SLBP: variants seen among roughly 807,000 people sequenced by gnomAD.
The protein encoded by SLBP is stem-loop histone mRNA binding protein, also known as histone RNA hairpin-binding protein.
SLBP carries 29 observed loss-of-function variants against 39.2 expected under a neutral mutation model. The observed-to-expected ratio is 0.74, with a 90% confidence interval of 0.55 to 1.01. The LOEUF (loss-of-function observed/expected upper bound fraction) is 1.01, where lower values mean the gene tolerates loss of function less well. Among genes scored for constraint, SLBP ranks in the 50% least tolerant of loss-of-function variants. SLBP has a pLI of 0.00. For synonymous variants in SLBP, 129 were observed against 118.7 expected (o/e 1.09, Z -0.57); for missense variants, 390 against 350.2 (o/e 1.11, Z -0.91).
At chr4:1,712,071 G>A (rs1196123121) in intron 1 of SLBP, 59 bp downstream of exon 1, 3 of 1,231,004 alleles carry the variant, frequency 2.4e-6, no homozygotes, top group African/African-American at 3.1e-5. Context: ...CCCCGGCCCC[G>A]CACAACCCCC....
chr4:1,694,689 T>G, intron 7 of SLBP, 85 bp downstream of exon 7: 1 of 1,019,320 alleles, frequency 9.8e-7, no homozygotes. Context: ...CCGTGCCCAG[T>G]CCAAACTTCA....
At chr4:1,701,252 T>C (rs1716317557) in intron 3 of SLBP, among the ~76,000 whole-genome samples, 1 of 150,672 alleles carries the variant, frequency 6.6e-6, no homozygotes, top group South Asian at 2.1e-4. Flanking sequence ...TCCAAGCGAT[T>C]CTCCTGCCTC....
At position 1,711,998 on chromosome 4, in the gene SLBP, G is replaced by T. The variant is rs550831762; in HGVS notation, c.60-8C>A. Reference sequence around the variant, plus strand: ...CGCGCGGGGGACGGCGGGCTGCGGGGAGGGACGCGGTCGGCTGGGCACGGG... The same window carrying T: ...CGCGCGGGGGACGGCGGGCTGCGGGTAGGGACGCGGTCGGCTGGGCACGGG... On this transcript the variant is annotated splice_region_variant and splice_polypyrimidine_tract_variant and intron_variant, in intron 1 of 7. Coordinates refer to ENST00000489418, the MANE Select transcript of SLBP (RefSeq NM_006527.4). 1 of 1,287,944 alleles carries T rather than the reference G, an allele frequency of 7.8e-7. No individual in the cohort carries two copies. Among genetic ancestry groups the T allele is most frequent in the Non-Finnish European group, 9.8e-7 (1 of 1,016,956 alleles). The allele number at this position is 1,287,944 out of a possible 1,614,324, so 79.8% of individuals were successfully genotyped here. A position where few individuals can be genotyped will look rare whatever the true frequency, so the allele number is the denominator to read the frequency against.
chr4:1,692,998 T>C lies in SLBP; in HGVS notation c.*599A>G, dbSNP rs575898280. On this transcript the variant is annotated 3_prime_UTR_variant, in exon 8 of 8. Transcript: ENST00000489418. ...CGCTCCACTCTGCTGCCCTAACTCT[T>C]GGAGTATTCTAAAGAGTCTAACTAG... 10 of 152,918 alleles carry C rather than the reference T, an allele frequency of 6.5e-5. No individual in the cohort carries two copies. In the East Asian group the frequency reaches 1.5e-3, roughly 24 times the overall value. The allele number at this position is 152,918 out of a possible 1,614,324, so 9.5% of individuals were successfully genotyped here.
chr4:1,694,955 G>A (rs574289190), intron 6 of SLBP, 115 bp from the exon 7 acceptor site: 47 of 729,530 alleles, frequency 6.4e-5, no homozygotes, highest in African/African-American at 4.0e-4. Context: ...CAGTGTGCCC[G>A]AGGCTCCCTG....
chr4:1,694,388 TTTTC>T (rs554153166), intron 7 of SLBP, among the ~76,000 whole-genome samples: 100 of 149,430 alleles, frequency 6.7e-4, no homozygotes, highest in African/African-American at 1.9e-3. Context: ...CAGCACATGG[TTTTC>T]TTTCTTTTTT....
At chr4:1,711,594 C>T (rs1716773142) in intron 2 of SLBP, among the ~76,000 whole-genome samples, 1 of 152,240 alleles carries the variant, frequency 6.6e-6, no homozygotes. Flanking sequence ...CGTCAGAGAC[C>T]CTGACCTCTC....
chr4:1,706,355 G>A (rs1716516591), intron 2 of SLBP, among the ~76,000 whole-genome samples: 1 of 152,180 alleles, frequency 6.6e-6, no homozygotes, highest in Non-Finnish European at 1.5e-5. Context: ...AATTCAGAAT[G>A]TTATGTACAC....
rs1715991443 is a variant in SLBP at position 1,693,483 on chromosome 4, T to C, written c.*114A>G. ...GCAAAAATAATTCAGCATGAGCTAA[T>C]GGACTGCTAACAGAGAAACCACCAG... On this transcript the variant is annotated 3_prime_UTR_variant, in exon 8 of 8. Transcript: ENST00000489418. 4 of 696,224 alleles carry C rather than the reference T, an allele frequency of 5.7e-6. No individual in the cohort carries two copies. The highest frequency in any genetic ancestry group is 3.4e-5 in the South Asian group (2 of 58,758). The allele number at this position is 696,224 out of a possible 1,614,324, so 43.1% of individuals were successfully genotyped here.
intron 2 of SLBP, among the ~76,000 whole-genome samples, chr4:1,709,124 C>T (rs533513689): frequency 1.3e-5 from 2 of 151,292 alleles, no homozygotes; most frequent in South Asian, 4.2e-4. Context: ...AAGGCAATGG[C>T]GTGATCTCGG....
chr4:1,705,110 A>G (rs1396397508), intron 2 of SLBP, among the ~76,000 whole-genome samples: 2 of 152,110 alleles, frequency 1.3e-5, no homozygotes, highest in Admixed American at 6.5e-5. Context: ...TATTTTTAAT[A>G]CAGGCTGAGT....
intron 6 of SLBP, among the ~76,000 whole-genome samples, chr4:1,695,664 C>A (rs1716079043): frequency 6.6e-6 from 1 of 151,880 alleles, no homozygotes; most frequent in South Asian, 2.1e-4. Flanking sequence ...GCCTGTAATC[C>A]CAGCTACTCA....
chr4:1,711,051 T>TA (rs34503092), intron 2 of SLBP, among the ~76,000 whole-genome samples: 3,468 of 121,434 alleles, frequency 0.029, 68 homozygotes, highest in South Asian at 0.058. Flanking sequence ...ACCCTGTCTT[T>TA]AAAAAAAAAA....
chr4:1,696,081 C>T, intron 6 of SLBP, 121 bp downstream of exon 6: 1 of 756,462 alleles, frequency 1.3e-6, no homozygotes, highest in Non-Finnish European at 2.0e-6. Flanking sequence ...GCAGCAGCTG[C>T]TCTGCTCCCC....
At chr4:1,701,146 CTT>C (rs369039404) in intron 3 of SLBP, among the ~76,000 whole-genome samples, 7 of 123,660 alleles carry the variant, frequency 5.7e-5, no homozygotes, top group South Asian at 2.6e-4. Flanking sequence ...TCTTTTTTTT[CTT>C]TTTTTTTTTT....
intron 2 of SLBP, among the ~76,000 whole-genome samples, chr4:1,711,201 C>A (rs1716754893): frequency 6.6e-6 from 1 of 151,374 alleles, no homozygotes. Flanking sequence ...ATCAGCAAGT[C>A]TCACAGGTCC....
At chr4:1,700,269 G>A (rs965181036) in intron 3 of SLBP, among the ~76,000 whole-genome samples, 199 bp from the exon 4 acceptor site, 4 of 151,906 alleles carry the variant, frequency 2.6e-5, no homozygotes, top group Non-Finnish European at 4.4e-5. Flanking sequence ...CTAAAACTTG[G>A]CAGCCTTAAA....
At chr4:1,711,137 A>C (rs914994777) in intron 2 of SLBP, among the ~76,000 whole-genome samples, 4 of 145,766 alleles carry the variant, frequency 2.7e-5, no homozygotes, top group African/African-American at 9.9e-5. Flanking sequence ...CTTTTGGCAC[A>C]GTGAAGTTGG....
rs1468390081 is a variant in SLBP at position 1,693,368 on chromosome 4, A to C, written c.*229T>G. On this transcript the variant is annotated 3_prime_UTR_variant, in exon 8 of 8. Coordinates refer to ENST00000489418, the MANE Select transcript of SLBP (RefSeq NM_006527.4). The stretch of plus-strand genomic sequence containing the variant: ...TTAAGCTCGCTGGAAGAGAGCTTCA[A>C]GTACTTTCTTGGACTTAGCTCCATT... 4.6e-6 allele frequency: 2 copies of C among 436,718 alleles called. No homozygotes were observed. Among genetic ancestry groups the C allele is most frequent in the Admixed American group, 7.9e-5 (2 of 25,300 alleles). 27.1% of individuals were successfully genotyped at this position (436,718 alleles called of 1,614,324 possible).
Sources: allele counts gnomAD v4.1 joint callset (sites outside exome capture counted in the v4.1 genomes callset), GRCh38; gene constraint gnomAD v4.1.1; transcripts MANE v1.5; gene names NCBI Gene and HGNC (gene_info 2026-07-23, HGNC 2026-07-21).